The following ATXN10 variants were observed in gnomAD, a reference collection of about 807,000 sequenced individuals.
The protein encoded by ATXN10 is ataxin-10.
A neutral mutation model predicts 52.9 loss-of-function variants in ATXN10; 28 were observed. The observed-to-expected ratio is 0.53, with a 90% CI of 0.39 to 0.73. ATXN10 has a LOEUF of 0.73. Ranked by LOEUF, ATXN10 falls within the 30% of genes least tolerant of loss-of-function variation. The pLI, the probability that ATXN10 is intolerant of heterozygous loss-of-function variation, is 0.00. For synonymous variants in ATXN10, 226 were observed against 221.5 expected, an observed-to-expected ratio of 1.02 and a Z score of -0.18; for missense variants, 565 against 577.0, an observed-to-expected ratio of 0.98 and a Z score of 0.21.
Position 45,790,877 on chromosome 22 carries a change from C to T in ATXN10, c.1174-16082C>T, listed in dbSNP as rs927248294. Among the ~76,000 whole-genome samples the T allele has an allele frequency of 6.6e-6, 1 of 152,142 alleles. No individual in the cohort carries two copies. Among genetic ancestry groups the T allele is most frequent in the African/African-American group, 2.4e-5 (1 of 41,412 alleles). Reference sequence around the variant, plus strand: ...GTTTATTTTTCAAGACAGAGCCTCTCTCTCCCTCTCTCTGTCGCCCAATCT... The same window carrying T: ...GTTTATTTTTCAAGACAGAGCCTCTTTCTCCCTCTCTCTGTCGCCCAATCT... On this transcript the variant is annotated intron_variant, in intron 9 of 11. Coordinates refer to ENST00000252934, the MANE Select transcript of ATXN10 (RefSeq NM_013236.4). The surrounding 1 kb of genome is among the most constrained non-coding windows in gnomAD (Gnocchi z 4.7).
In ATXN10 at chr22:45,790,063, T is replaced by C. The variant is rs1927453729; in HGVS notation, c.1174-16896T>C. Among the ~76,000 whole-genome samples, 1 of 152,238 alleles carries C rather than the reference T, an allele frequency of 6.6e-6. No homozygotes were observed. The highest frequency in any genetic ancestry group is 2.4e-5 in the African/African-American group (1 of 41,468). ...CATTATCAGATTTCCAGAGAGATAT[T>C]AAAATCCAAAGATAACATTGCATTT... On this transcript the variant is annotated intron_variant, in intron 9 of 11. Coordinates refer to ENST00000252934, the MANE Select transcript of ATXN10 (RefSeq NM_013236.4). The surrounding 1 kb of genome is among the most constrained non-coding windows in gnomAD (Gnocchi z 4.7).
intron 10 of ATXN10, among the ~76,000 whole-genome samples, chr22:45,821,701 G>C (rs577067776): frequency 2.6e-5 from 4 of 152,236 alleles, no homozygotes; most frequent in Non-Finnish European, 4.4e-5. Flanking sequence ...TTGACATTTA[G>C]GGGCTGTATT....
At position 45,823,130 on chromosome 22, in the gene ATXN10, A is replaced by T. The variant is rs993498644; in HGVS notation, c.1237+16108A>T. 1 of 471,762 alleles carries T rather than the reference A, an allele frequency of 2.1e-6. No homozygotes were observed. Among genetic ancestry groups the T allele is most frequent in the South Asian group, 1.5e-5 (1 of 64,532 alleles). 29.2% of individuals were successfully genotyped at this position (471,762 alleles called of 1,614,324 possible). A position where few individuals can be genotyped will look rare whatever the true frequency, so the allele number is the denominator to read the frequency against. On this transcript the variant is annotated intron_variant, in intron 10 of 11. Transcript: ENST00000252934. This position sits in a 1 kb window ranked among gnomAD's most constrained non-coding sequence, Gnocchi z 4.9. Reference sequence around the variant, plus strand: ...GACATAAGTACAGATGTATGTACGCATCACCCAGATGGAAATACAGAACAT... The same window carrying T: ...GACATAAGTACAGATGTATGTACGCTTCACCCAGATGGAAATACAGAACAT...
chr22:45,770,527 A>G lies in ATXN10; in HGVS notation c.1173+29989A>G, dbSNP rs1299636140. 4.6e-5 allele frequency among the ~76,000 whole-genome samples: 7 copies of G among 152,206 alleles called. No individual in the cohort carries two copies. The highest frequency in any genetic ancestry group is 7.3e-5 in the Non-Finnish European group (5 of 68,032). ...ATCAGATAAATTCAAAGAAAGTTTA[A>G]CATTGCAGAGGGGGCTCTGAATGAG... is the stretch of plus-strand genomic sequence containing the variant. On this transcript the variant is annotated intron_variant, in intron 9 of 11. Coordinates refer to ENST00000252934, the MANE Select transcript of ATXN10 (RefSeq NM_013236.4). This position sits in a 1 kb window ranked among gnomAD's most constrained non-coding sequence, Gnocchi z 4.5.
At chr22:45,699,593 C>G (rs1054575638) in intron 3 of ATXN10, among the ~76,000 whole-genome samples, 4 of 147,470 alleles carry the variant, frequency 2.7e-5, no homozygotes, top group Admixed American at 6.9e-5. Flanking sequence ...TGGGTTCAAG[C>G]AATTCTCCCT....
Position 45,729,491 on chromosome 22 carries a change from C to T in ATXN10, c.795C>T (p.Ile265=). The T allele has an allele frequency of 6.2e-7, 1 of 1,614,074 alleles. No individual in the cohort carries two copies. Among genetic ancestry groups the T allele is most frequent in the Non-Finnish European group, 8.5e-7 (1 of 1,180,012 alleles). The change falls in exon 7 of 12, where the codon ATC becomes ATT. Residue 265 remains isoleucine, a synonymous_variant. Transcript: ENST00000252934. ...ATGAGCCACTCACCAAGGATGACAT[C>T]CCTGTGTTTTTGCGGCATGCTGAGT... ...TSDEPLTKDD[I]PVFLRHAELI... is the part of the protein sequence containing the mutation.
chr22:45,738,875 G>A, intron 8 of ATXN10, 36 bp downstream of exon 8: 1 of 1,531,280 alleles, frequency 6.5e-7, no homozygotes, highest in Non-Finnish European at 9.1e-7. Flanking sequence ...TTTTAGCTAA[G>A]AAATCTTTGG....
At chr22:45,695,597 G>T (rs998312960) in intron 3 of ATXN10, among the ~76,000 whole-genome samples, 1 of 151,070 alleles carries the variant, frequency 6.6e-6, no homozygotes, top group Admixed American at 6.6e-5. Flanking sequence ...GGGTTCAAGC[G>T]ATTCTCCTGC....
intron 9 of ATXN10, among the ~76,000 whole-genome samples, chr22:45,802,006 T>A (rs1927945977): frequency 6.6e-6 from 1 of 152,206 alleles, no homozygotes; most frequent in African/African-American, 2.4e-5. Flanking sequence ...CTGTTTTCTG[T>A]CAACCTAGTA....
At chr22:45,729,297 C>G (rs1924993487) in intron 6 of ATXN10, 128 bp from the exon 7 acceptor site, 1 of 914,532 alleles carries the variant, frequency 1.1e-6, no homozygotes, top group Non-Finnish European at 1.7e-6. Flanking sequence ...TTTTTCCTAG[C>G]TAGACATTAG....
chr22:45,724,776 G>C (rs566001859), intron 6 of ATXN10, among the ~76,000 whole-genome samples: 1 of 152,076 alleles, frequency 6.6e-6, no homozygotes, highest in African/African-American at 2.4e-5. Context: ...TTTTCTCCTA[G>C]AATTTTTATG....
intron 6 of ATXN10, among the ~76,000 whole-genome samples, chr22:45,724,301 C>T (rs1442010725): frequency 6.6e-6 from 1 of 152,130 alleles, no homozygotes; most frequent in African/African-American, 2.4e-5. Flanking sequence ...TATATGCGTT[C>T]CTTTTTCACT....
intron 1 of ATXN10, chr22:45,673,448 A>G (rs188551044): frequency 1.3e-5 from 2 of 152,324 alleles, no homozygotes; most frequent in Admixed American, 6.5e-5. Flanking sequence ...GCTATTAATA[A>G]AAGTCCCTGG....
rs961434975 is a variant in ATXN10, at chr22:45,754,200, C to T, written c.1173+13662C>T. On this transcript the variant is annotated intron_variant, in intron 9 of 11. Transcript: ENST00000252934. This position sits in a 1 kb window ranked among gnomAD's most constrained non-coding sequence, Gnocchi z 5.4. ...GGAGGTGGGCTCCAGCAGCTTGGCACGTGTACCTTCGTGGTGCATGGGAAA... is the reference window on the plus strand; with the variant it reads ...GGAGGTGGGCTCCAGCAGCTTGGCATGTGTACCTTCGTGGTGCATGGGAAA... Among the ~76,000 whole-genome samples, 8 of 152,198 alleles carry T rather than the reference C, an allele frequency of 5.3e-5. No individual in the cohort carries two copies. Among genetic ancestry groups the T allele is most frequent in the African/African-American group, 1.9e-4 (8 of 41,438 alleles).
In ATXN10 at chr22:45,750,267, AT is replaced by A. The variant is rs896061607; in HGVS notation, c.1173+9738del. ...GTCACCACACCTGGCAAATTTTTGT[AT>A]TTTTTTTTGTAGAGGTGGGATTTTC... On this transcript the variant is annotated intron_variant, in intron 9 of 11. Transcript: ENST00000252934. This position sits in a 1 kb window ranked among gnomAD's most constrained non-coding sequence, Gnocchi z 4.2. 2.0e-5 allele frequency among the ~76,000 whole-genome samples: 3 copies of A among 149,888 alleles called. No individual in the cohort carries two copies. The highest frequency in any genetic ancestry group is 2.4e-5 in the African/African-American group (1 of 40,870).
At position 45,780,291 on chromosome 22, in the gene ATXN10, C is replaced by T. The variant is rs1258229675; in HGVS notation, c.1174-26668C>T. On this transcript the variant is annotated intron_variant, in intron 9 of 11. Transcript: ENST00000252934. The surrounding 1 kb of genome is among the most constrained non-coding windows in gnomAD (Gnocchi z 4.0). ...TAGAGATAGGGTTTCACCATGGTGGCCAGGCTGGTCTTGAACTCCTGACCT... is the reference window on the plus strand; with the variant it reads ...TAGAGATAGGGTTTCACCATGGTGGTCAGGCTGGTCTTGAACTCCTGACCT... Among the ~76,000 whole-genome samples the T allele has an allele frequency of 6.6e-6, 1 of 152,164 alleles. No homozygotes were observed. Among genetic ancestry groups the T allele is most frequent in the Admixed American group, 6.5e-5 (1 of 15,284 alleles).
intron 1 of ATXN10, chr22:45,679,079 C>T (rs1320827660): frequency 6.6e-6 from 1 of 152,154 alleles, no homozygotes; most frequent in Non-Finnish European, 1.5e-5. Flanking sequence ...CGTTTCTGAC[C>T]TTCAGGTGCT....
chr22:45,736,410 A>G (rs1423242243), intron 7 of ATXN10, among the ~76,000 whole-genome samples: 3 of 152,118 alleles, frequency 2.0e-5, no homozygotes, highest in African/African-American at 7.2e-5. Flanking sequence ...AATAAATAGT[A>G]TTCAGATTTC....
chr22:45,721,135 G>T (rs939690043), intron 6 of ATXN10, among the ~76,000 whole-genome samples: 31 of 152,094 alleles, frequency 2.0e-4, no homozygotes, highest in Admixed American at 3.3e-4. Flanking sequence ...CAGATTACTC[G>T]GTGGGGAAAT....
Sources: gnomAD v4.1 joint callset for allele counts (sites outside exome capture counted in the v4.1 genomes callset) on GRCh38, gnomAD v4.1.1 for gene constraint, Gnocchi (gnomAD v3.1) non-coding constraint, MANE v1.5 for transcripts, NCBI Gene and HGNC (gene_info 2026-07-23, HGNC 2026-07-21) for gene names.